The following ENO4 variants were observed in gnomAD, a reference collection of about 807,000 sequenced individuals.
The protein encoded by ENO4 is 2-phospho-D-glycerate hydro-lyase.
ENO4 carries 53 observed loss-of-function variants against 63.2 expected under a neutral mutation model. That is an observed-to-expected ratio of 0.84 (90% CI 0.67 to 1.05). The LOEUF is 1.05. Among genes scored for constraint, ENO4 ranks in the 50% least tolerant of loss-of-function variants. ENO4 has a pLI of 0.00. For missense variants in ENO4, 719 were observed against 772.0 expected, an observed-to-expected ratio of 0.93 and a Z score of 0.81; for synonymous variants, 266 against 283.8, an observed-to-expected ratio of 0.94 and a Z score of 0.63.
At chr10:116,868,747 G>A in intron 8 of ENO4, 41 bp downstream of exon 8, 1 of 1,511,712 alleles carries the variant, frequency 6.6e-7, no homozygotes, top group South Asian at 1.2e-5. Context: ...ATATGACACT[G>A]TCTATAAATT....
chr10:116,906,915 CAG>C (rs1221893037), intron 10 of ENO4, among the ~76,000 whole-genome samples: 3 of 152,178 alleles, frequency 2.0e-5, no homozygotes, highest in Non-Finnish European at 2.9e-5. Flanking sequence ...TTCAACAAGA[CAG>C]AGTGTTGGAT....
At chr10:116,857,295 C>T (rs909091118) in intron 3 of ENO4, among the ~76,000 whole-genome samples, 2 of 152,048 alleles carry the variant, frequency 1.3e-5, no homozygotes, top group African/African-American at 4.8e-5. Flanking sequence ...TTTTCTTCTC[C>T]CCACCTGTCA....
chr10:116,867,431 A>AAG lies in ENO4; in HGVS notation c.991-1218_991-1217insGA, dbSNP rs1316282428. 2.0e-5 allele frequency among the ~76,000 whole-genome samples: 3 copies of AAG among 151,728 alleles called. No individual in the cohort carries two copies. In the South Asian group the frequency reaches 6.3e-4, roughly 32 times the overall value. ...TACAAAAATATTTACCAAAAAAAAA[A>AAG]AAAAAAAATTAGCCAGGCATGGCGG... On this transcript the variant is annotated intron_variant, in intron 7 of 13. Coordinates refer to ENST00000341276, the MANE Select transcript of ENO4 (RefSeq NM_001242699.2).
chr10:116,901,865 T>C, intron 10 of ENO4: 1 of 1,607,038 alleles, frequency 6.2e-7, no homozygotes, highest in Non-Finnish European at 8.5e-7. Flanking sequence ...GCCTCCAGAG[T>C]TTTCTTGTTC....
intron 7 of ENO4, among the ~76,000 whole-genome samples, chr10:116,867,421 CAAAA>C (rs35426438): frequency 7.3e-6 from 1 of 137,756 alleles, no homozygotes; most frequent in Non-Finnish European, 1.5e-5. Flanking sequence ...AAATATTTAC[CAAAA>C]AAAAAAAAAA....
chr10:116,879,372 G>A lies in ENO4; in HGVS notation c.1605+14G>A, dbSNP rs778703144. The A allele has an allele frequency of 6.5e-7, 1 of 1,539,688 alleles. No individual in the cohort carries two copies. The highest frequency in any genetic ancestry group is 8.8e-7 in the Non-Finnish European group (1 of 1,139,156). On this transcript the variant is annotated intron_variant, in intron 12 of 13. Coordinates refer to ENST00000341276, the MANE Select transcript of ENO4 (RefSeq NM_001242699.2). The stretch of plus-strand genomic sequence containing the variant: ...CTTGTCGATTTGGTAAGTGCTGAAT[G>A]CTGGTCAACTGCCAAACACTGCTTT...
At chr10:116,863,949 G>A (rs558309307) in intron 7 of ENO4, among the ~76,000 whole-genome samples, 61 of 152,260 alleles carry the variant, frequency 4.0e-4, no homozygotes, top group Admixed American at 2.3e-3. Flanking sequence ...TCATAACTCC[G>A]TGACCTTGGG....
chr10:116,881,172 A>G (rs1014251727), intron 13 of ENO4, among the ~76,000 whole-genome samples: 3 of 152,230 alleles, frequency 2.0e-5, no homozygotes, highest in Non-Finnish European at 2.9e-5. Context: ...CCCTGGGAGC[A>G]GTCAGCTGGC....
downstream of ENO4, chr10:116,886,657 CA>C: frequency 5.8e-6 from 9 of 1,541,632 alleles, no homozygotes; most frequent in Non-Finnish European, 7.9e-6. Context: ...ACATAAAACC[CA>C]AAATGTTCTA....
intron 10 of ENO4, chr10:116,901,911 C>T (rs757316038): frequency 6.2e-7 from 1 of 1,606,648 alleles, no homozygotes; most frequent in Non-Finnish European, 8.5e-7. Flanking sequence ...CAGAACCCAA[C>T]ACTGGCATGG....
intron 10 of ENO4, among the ~76,000 whole-genome samples, chr10:116,899,390 T>A (rs1847638864): frequency 6.6e-6 from 1 of 151,508 alleles, no homozygotes; most frequent in Non-Finnish European, 1.5e-5. Flanking sequence ...GGCAAGGGAG[T>A]AAGCCATGCA....
intron 9 of ENO4, among the ~76,000 whole-genome samples, chr10:116,873,138 C>T (rs908280431): frequency 2.0e-5 from 3 of 152,118 alleles, no homozygotes; most frequent in African/African-American, 7.2e-5. Context: ...AAATCATTAG[C>T]GTTTCCTCAC....
chr10:116,884,830 G>C (rs907545140), downstream of ENO4: 7 of 155,286 alleles, frequency 4.5e-5, no homozygotes, highest in Admixed American at 6.2e-5. Flanking sequence ...TTAATAAGTT[G>C]TGGTGAGGAG....
downstream of ENO4, chr10:116,883,884 G>A: frequency 5.0e-6 from 1 of 200,738 alleles, no homozygotes; most frequent in Non-Finnish European, 1.0e-5. Context: ...CATACAAAAG[G>A]GTGCAAGTGC....
chr10:116,874,045 C>T (rs1456258755), intron 9 of ENO4, 31 bp from the exon 10 acceptor site: 2 of 1,506,454 alleles, frequency 1.3e-6, no homozygotes, highest in Admixed American at 4.0e-5. Context: ...TTATTTATCC[C>T]TTATTTTAAT....
downstream of ENO4, chr10:116,886,526 C>T (rs200994601): frequency 1.4e-4 from 219 of 1,614,026 alleles, no homozygotes; most frequent in Middle Eastern, 9.9e-4. Flanking sequence ...TGTTTTTCAC[C>T]GTCAATGTAT....
rs150721071 is a variant in ENO4 at position 116,859,099 on chromosome 10, C to T, written c.595C>T (p.Pro199Ser). The T allele has an allele frequency of 2.4e-4, 362 of 1,533,034 alleles. No homozygotes were observed. The African/African-American group carries it at 3.8e-3, about 16-fold the overall frequency. 95.0% of individuals were successfully genotyped at this position (1,533,034 alleles called of 1,614,324 possible). ...TPLPPVPPPP[P>S]PPPPTKKKGQ... Reference sequence around the variant, plus strand: ...TCTACCTCCAGTACCACCACCACCACCCCCTCCACCTCCTACCAAAAAAAA... The same window carrying T: ...TCTACCTCCAGTACCACCACCACCATCCCCTCCACCTCCTACCAAAAAAAA... The change falls in exon 4 of 14, where the codon CCC becomes TCC. Residue 199 changes from proline (P) to serine (S), a missense_variant. By Grantham distance (74) the Pro-to-Ser change is moderately conservative. This residue lies in a region of ENO4 where 544 missense variants were observed against 583.6 expected (regional missense o/e 0.93). Coordinates refer to ENST00000341276, the MANE Select transcript of ENO4 (RefSeq NM_001242699.2).
chr10:116,879,233 G>A lies in ENO4; in HGVS notation c.1538-58G>A. The A allele has an allele frequency of 3.3e-6, 4 of 1,226,060 alleles. No individual in the cohort carries two copies. In the South Asian group the frequency reaches 5.6e-5, roughly 17 times the overall value. The allele number at this position is 1,226,060 out of a possible 1,614,324, so 75.9% of individuals were successfully genotyped here. A position where few individuals can be genotyped will look rare whatever the true frequency, so the allele number is the denominator to read the frequency against. On this transcript the variant is annotated intron_variant, in intron 11 of 13. Transcript: ENST00000341276. ...GAAATTTTAAATTTTGATCCCAGAG[G>A]CCCACATGTATCCTAACTTTCTACA...
At chr10:116,896,097 A>G (rs1437458256) in intron 10 of ENO4, among the ~76,000 whole-genome samples, 1 of 152,224 alleles carries the variant, frequency 6.6e-6, no homozygotes, top group Non-Finnish European at 1.5e-5. Context: ...TTGTGAATAT[A>G]TACTGATAAA....
Sources: allele counts gnomAD v4.1 joint callset (sites outside exome capture counted in the v4.1 genomes callset), GRCh38; gene constraint gnomAD v4.1.1; regional missense constraint gnomAD v4.1.1; transcripts MANE v1.5; gene names NCBI Gene and HGNC (gene_info 2026-07-23, HGNC 2026-07-21).